HECW1: variants seen among roughly 807,000 people sequenced by gnomAD.
HECW1 encodes the protein HECT, C2 and WW domain containing E3 ubiquitin protein ligase 1.
HECW1 carries 61 observed loss-of-function variants against 182.3 expected under a neutral mutation model. The ratio of observed to expected loss-of-function variants is 0.33; its 90% CI spans 0.27 to 0.41. The LOEUF (loss-of-function observed/expected upper bound fraction) is 0.41. Ranked by LOEUF, HECW1 falls within the 10% of genes least tolerant of loss-of-function variation. The probability of loss-of-function intolerance (pLI) is 1.00; values close to 1 mark genes in which losing one functional copy is unlikely to be tolerated. For synonymous variants in HECW1, 859 were observed against 832.6 expected, an observed-to-expected ratio of 1.03 and a Z score of -0.55; for missense variants, 1,739 against 2,108.9, an observed-to-expected ratio of 0.82 and a Z score of 3.44.
rs561168715 is a variant in HECW1, at chr7:43,244,029, C to A, written c.27+97C>A. 33 of 987,586 alleles carry A rather than the reference C, an allele frequency of 3.3e-5. No homozygotes were observed. In the Middle Eastern group the frequency reaches 8.3e-4, roughly 25 times the overall value. The allele number at this position is 987,586 out of a possible 1,614,324, so 61.2% of individuals were successfully genotyped here. Reference sequence around the variant, plus strand: ...AATGTGCCTCAGCCTAGGGCCATTGCGGTTGCCCAGCCCAGGAATTATCTC... The same window carrying A: ...AATGTGCCTCAGCCTAGGGCCATTGAGGTTGCCCAGCCCAGGAATTATCTC... On this transcript the variant is annotated intron_variant, in intron 3 of 29. Coordinates refer to ENST00000395891, the MANE Select transcript of HECW1 (RefSeq NM_015052.5).
chr7:43,317,480 C>T (rs1809473540), intron 4 of HECW1, among the ~76,000 whole-genome samples: 1 of 152,260 alleles, frequency 6.6e-6, no homozygotes, highest in Non-Finnish European at 1.5e-5. Context: ...GAGTCCACTT[C>T]TCCAGCCCTG....
chr7:43,391,368 C>T (rs549119264), intron 6 of HECW1, among the ~76,000 whole-genome samples: 55 of 152,256 alleles, frequency 3.6e-4, no homozygotes, highest in African/African-American at 9.9e-4. Context: ...TATTGGGCCA[C>T]GAGAAATAGC....
intron 2 of HECW1, among the ~76,000 whole-genome samples, chr7:43,200,369 T>C (rs1794919207): frequency 6.6e-6 from 1 of 152,232 alleles, no homozygotes; most frequent in East Asian, 1.9e-4. Flanking sequence ...GTCAAAAACT[T>C]AAGAATGGAA....
intron 3 of HECW1, among the ~76,000 whole-genome samples, chr7:43,308,631 T>C (rs943222607): frequency 8.6e-5 from 13 of 151,574 alleles, no homozygotes; most frequent in African/African-American, 3.1e-4. Context: ...TCTGTAATTT[T>C]TTTTTTTTTT....
intron 17 of HECW1, among the ~76,000 whole-genome samples, chr7:43,480,257 C>T (rs1048133478): frequency 6.6e-6 from 1 of 152,208 alleles, no homozygotes; most frequent in Admixed American, 6.6e-5. Context: ...TCCTTGGCAG[C>T]ACTTTGTGGC....
intron 2 of HECW1, among the ~76,000 whole-genome samples, chr7:43,152,719 C>G (rs1177390222): frequency 6.6e-6 from 1 of 152,144 alleles, no homozygotes; most frequent in Non-Finnish European, 1.5e-5. Flanking sequence ...TCTGTGGTCA[C>G]ATTTAGGAAT....
chr7:43,444,561 C>G lies in HECW1; in HGVS notation c.1389C>G (p.Asp463Glu), dbSNP rs1248434649. Residue 463 changes from aspartate (D) to glutamate (E), a missense_variant, in exon 11 of 30, where the codon GAC becomes GAG. Physicochemically the swap from Asp to Glu is conservative, Grantham distance 45. Around this residue, in one of 5 missense-constraint regions of HECW1, gnomAD observed 971 missense variants for 1,029.1 expected, o/e 0.94. Coordinates refer to ENST00000395891, the MANE Select transcript of HECW1 (RefSeq NM_015052.5). This position sits in a 1 kb window ranked among gnomAD's most constrained non-coding sequence, Gnocchi z 4.3. ...PSAEELAEQLDLGEEASALLL... is the reference protein window; with the variant it reads ...PSAEELAEQLELGEEASALLL... ...CAGAAGAGCTGGCCGAGCAGCTGGA[C>G]CTGGGTGAGGAGGCATCAGCACTGC... 2 of 1,610,924 alleles carry G rather than the reference C, an allele frequency of 1.2e-6. No individual in the cohort carries two copies. Among genetic ancestry groups the G allele is most frequent in the Admixed American group, 1.7e-5 (1 of 59,620 alleles).
chr7:43,158,253 A>C (rs1790110286), intron 2 of HECW1, among the ~76,000 whole-genome samples: 1 of 152,196 alleles, frequency 6.6e-6, no homozygotes. Flanking sequence ...TTATACATAA[A>C]CCATAAAAAT....
chr7:43,445,606 C>T (rs769291367), intron 11 of HECW1, 36 bp downstream of exon 11: 2 of 1,498,572 alleles, frequency 1.3e-6, no homozygotes, highest in Non-Finnish European at 1.8e-6. Context: ...GAGAATAGGA[C>T]CATCAGGGGG....
chr7:43,535,196 T>G (rs1209858328), intron 24 of HECW1, among the ~76,000 whole-genome samples: 1 of 152,108 alleles, frequency 6.6e-6, no homozygotes, highest in Admixed American at 6.5e-5. Flanking sequence ...CAAACAGCAA[T>G]GCGCTGAAGG....
Position 43,493,147 on chromosome 7 carries a change from G to A in HECW1, c.3404G>A (p.Arg1135His), listed in dbSNP as rs533295380. 2.5e-5 allele frequency: 40 copies of A among 1,613,552 alleles called. 1 individual carries two copies. In the East Asian group the frequency reaches 2.7e-4, roughly 11 times the overall value. ...QPNIFEMLQERQPSLARNHTL... is the reference protein window; with the variant it reads ...QPNIFEMLQEHQPSLARNHTL... ...AACATTTTTGAAATGCTGCAAGAGC[G>A]TCAGCCAAGCTTAGCAAGAAACCAC... is the stretch of plus-strand genomic sequence containing the variant. The change falls in exon 19 of 30, where the codon CGT (arginine) becomes CAT (histidine). Residue 1135 changes from arginine (R) to histidine (H), a missense_variant. By Grantham distance (29) the Arg-to-His change is conservative (BLOSUM62 0). Around this residue, in one of 5 missense-constraint regions of HECW1, gnomAD observed 971 missense variants for 1,029.1 expected, o/e 0.94. Coordinates refer to ENST00000395891, the MANE Select transcript of HECW1 (RefSeq NM_015052.5).
At chr7:43,321,622 T>A (rs1260240062) in intron 5 of HECW1, among the ~76,000 whole-genome samples, 2 of 152,232 alleles carry the variant, frequency 1.3e-5, no homozygotes, top group Non-Finnish European at 2.9e-5. Context: ...GTTCATTCAA[T>A]GTGGCATGTC....
At chr7:43,282,524 A>C (rs1186818307) in intron 3 of HECW1, among the ~76,000 whole-genome samples, 2 of 152,266 alleles carry the variant, frequency 1.3e-5, no homozygotes, top group Non-Finnish European at 2.9e-5. Context: ...AGCAAGAATA[A>C]GAAGAGAGAC....
chr7:43,546,921 C>A (rs2081587763), intron 26 of HECW1, among the ~76,000 whole-genome samples: 1 of 152,114 alleles, frequency 6.6e-6, no homozygotes, highest in South Asian at 2.1e-4. Context: ...CTTTGTGGTG[C>A]TTTTTTTCCA....
At chr7:43,146,796 A>G (rs1788767291) in intron 2 of HECW1, among the ~76,000 whole-genome samples, 1 of 152,246 alleles carries the variant, frequency 6.6e-6, no homozygotes, top group South Asian at 2.1e-4. Context: ...GCAGCAGGGC[A>G]CTGGCCAAGC....
chr7:43,283,123 C>CAA (rs555000439), intron 3 of HECW1, among the ~76,000 whole-genome samples: 8 of 137,896 alleles, frequency 5.8e-5, no homozygotes, highest in African/African-American at 1.9e-4. Context: ...AGACTATCTC[C>CAA]AAAAAAAAAA....
In HECW1 at chr7:43,444,128, C is replaced by T. The variant is rs886808197; in HGVS notation, c.1046-90C>T. The stretch of plus-strand genomic sequence containing the variant: ...ATTCAATATCCTAATGTAGAAATCC[C>T]TTAGTGATGGCTTACATGTCCCACA... On this transcript the variant is annotated intron_variant, in intron 10 of 29. Coordinates refer to ENST00000395891, the MANE Select transcript of HECW1 (RefSeq NM_015052.5). The surrounding 1 kb of genome is among the most constrained non-coding windows in gnomAD (Gnocchi z 4.3). 10 of 1,300,774 alleles carry T rather than the reference C, an allele frequency of 7.7e-6. No homozygotes were observed. In the African/African-American group the frequency reaches 1.5e-4, roughly 19 times the overall value. 80.6% of individuals were successfully genotyped at this position (1,300,774 alleles called of 1,614,324 possible).
rs1002319068 is a variant in HECW1 at position 43,565,581 on chromosome 7, T to A, written c.*3655T>A. ...GCTTTATTATTATTATTATTATTAT[T>A]TTTATTATTATTATTATTACGTACT... On this transcript the variant is annotated 3_prime_UTR_variant, in exon 30 of 30. Coordinates refer to ENST00000395891, the MANE Select transcript of HECW1 (RefSeq NM_015052.5). 3 of 165,506 alleles carry A rather than the reference T, an allele frequency of 1.8e-5. No individual in the cohort carries two copies. Among genetic ancestry groups the A allele is most frequent in the Non-Finnish European group, 3.8e-5 (3 of 78,030 alleles). The allele number at this position is 165,506 out of a possible 1,614,324, so 10.3% of individuals were successfully genotyped here.
At chr7:43,333,705 C>T (rs988303998) in intron 5 of HECW1, among the ~76,000 whole-genome samples, 1 of 152,104 alleles carries the variant, frequency 6.6e-6, no homozygotes, top group Non-Finnish European at 1.5e-5. Context: ...CTTGTCTTTC[C>T]TATAGATGCC....
Sources: allele counts gnomAD v4.1 joint callset (sites outside exome capture counted in the v4.1 genomes callset), GRCh38; gene constraint gnomAD v4.1.1; regional missense constraint gnomAD v4.1.1; non-coding constraint Gnocchi (gnomAD v3.1); transcripts MANE v1.5; gene names NCBI Gene and HGNC (gene_info 2026-07-23, HGNC 2026-07-21).